Variants in TNNI3K observed in about 807,000 individuals in gnomAD.
TNNI3K encodes the protein serine/threonine-protein kinase TNNI3K.
Under a neutral mutation model 114.5 loss-of-function variants are expected in TNNI3K, and 140 were observed. That is an observed-to-expected ratio of 1.22 (90% CI 1.07 to 1.41). The LOEUF (loss-of-function observed/expected upper bound fraction) is 1.41. Among genes scored for constraint, TNNI3K ranks in the 40% most tolerant of loss-of-function variants. The pLI is 0.00. For synonymous variants in TNNI3K, 347 were observed against 347.5 expected (o/e 1.00, Z 0.02); for missense variants, 1,125 against 1,007.6 (o/e 1.12, Z -1.58).
At chr1:74,435,861 T>C (rs1666098869) in intron 17 of TNNI3K, among the ~76,000 whole-genome samples, 1 of 152,052 alleles carries the variant, frequency 6.6e-6, no homozygotes, top group Non-Finnish European at 1.5e-5. Context: ...AGGAATTCTT[T>C]ATACATTCAA....
chr1:74,524,387 C>T (rs906125418), intron 23 of TNNI3K, among the ~76,000 whole-genome samples: 4 of 152,152 alleles, frequency 2.6e-5, no homozygotes, highest in Non-Finnish European at 5.9e-5. Flanking sequence ...TGACACTGTG[C>T]GGACTCCAGG....
chr1:74,388,167 A>T (rs1331425019), intron 17 of TNNI3K, among the ~76,000 whole-genome samples: 2 of 152,034 alleles, frequency 1.3e-5, no homozygotes, highest in Non-Finnish European at 2.9e-5. Context: ...AGTCCCAGCT[A>T]CTCAGGAGGC....
intron 17 of TNNI3K, among the ~76,000 whole-genome samples, chr1:74,427,380 A>T (rs1432378208): frequency 1.3e-5 from 2 of 150,560 alleles, no homozygotes; most frequent in Non-Finnish European, 2.9e-5. Flanking sequence ...ACTTAAATGT[A>T]ACATATCTTT....
intron 4 of TNNI3K, among the ~76,000 whole-genome samples, chr1:74,260,163 T>G (rs1355956940): frequency 6.6e-6 from 1 of 152,234 alleles, no homozygotes; most frequent in African/African-American, 2.4e-5. Flanking sequence ...TGGGTTTCAG[T>G]TATTAAGTTT....
chr1:74,500,340 T>C (rs1330692671), intron 23 of TNNI3K, among the ~76,000 whole-genome samples: 1 of 151,916 alleles, frequency 6.6e-6, no homozygotes, highest in Non-Finnish European at 1.5e-5. Context: ...AAATGCACCT[T>C]TAAAAATTAT....
intron 17 of TNNI3K, among the ~76,000 whole-genome samples, chr1:74,431,979 C>T (rs1163623985): frequency 6.6e-6 from 1 of 152,076 alleles, no homozygotes; most frequent in Non-Finnish European, 1.5e-5. Context: ...ATGGTCTTTA[C>T]CAAACTTGCT....
At chr1:74,256,609 G>A (rs1235671920) in intron 4 of TNNI3K, among the ~76,000 whole-genome samples, 2 of 151,848 alleles carry the variant, frequency 1.3e-5, no homozygotes, top group Non-Finnish European at 2.9e-5. Context: ...AAGAGTAAAA[G>A]GTTTTTGCAT....
intron 23 of TNNI3K, among the ~76,000 whole-genome samples, chr1:74,509,990 G>A (rs1029465753): frequency 7.9e-5 from 12 of 152,034 alleles, no homozygotes; most frequent in African/African-American, 2.9e-4. Context: ...CTGAATTCAA[G>A]CGATCTGCTT....
intron 3 of TNNI3K, among the ~76,000 whole-genome samples, chr1:74,249,991 C>T (rs1284856638): frequency 3.3e-5 from 5 of 152,176 alleles, no homozygotes; most frequent in Admixed American, 3.3e-4. Flanking sequence ...ATTTGGCCTA[C>T]ACTTTAGTTT....
chr1:74,397,434 C>T (rs1027185779), intron 17 of TNNI3K, among the ~76,000 whole-genome samples: 4 of 152,090 alleles, frequency 2.6e-5, no homozygotes, highest in African/African-American at 7.2e-5. Context: ...GAAAGCTGAC[C>T]TTCATCAGGG....
intron 17 of TNNI3K, among the ~76,000 whole-genome samples, chr1:74,391,858 A>T (rs976977686): frequency 2.0e-5 from 3 of 152,054 alleles, no homozygotes; most frequent in Non-Finnish European, 2.9e-5. Flanking sequence ...GCATTTTTCA[A>T]TTAGTCAGAA....
chr1:74,408,309 A>C (rs1664715219), intron 17 of TNNI3K, among the ~76,000 whole-genome samples: 1 of 152,288 alleles, frequency 6.6e-6, no homozygotes, highest in South Asian at 2.1e-4. Flanking sequence ...TCATTTACAT[A>C]TACCACCTGT....
At chr1:74,484,530 C>T (rs1407415066) in intron 21 of TNNI3K, among the ~76,000 whole-genome samples, 2 of 152,118 alleles carry the variant, frequency 1.3e-5, no homozygotes, top group East Asian at 1.9e-4. Flanking sequence ...AGGAGAAGAT[C>T]GCATTGACTC....
intron 4 of TNNI3K, among the ~76,000 whole-genome samples, chr1:74,270,548 T>C (rs1349197112): frequency 2.0e-5 from 3 of 151,844 alleles, no homozygotes; most frequent in African/African-American, 7.2e-5. Context: ...TTTGTAGCTC[T>C]TTACCAAAGT....
chr1:74,471,068 G>A (rs1557587287), intron 21 of TNNI3K: 2 of 400,626 alleles, frequency 5.0e-6, no homozygotes, highest in Admixed American at 8.8e-5. Flanking sequence ...GAATGTGAGT[G>A]CCTGTGCTCA....
chr1:74,276,392 T>G (rs1656688888), intron 5 of TNNI3K, among the ~76,000 whole-genome samples: 1 of 152,060 alleles, frequency 6.6e-6, no homozygotes, highest in Non-Finnish European at 1.5e-5. Flanking sequence ...AAGGAATTAT[T>G]GAAGGAAACA....
chr1:74,530,676 A>G (rs1419350926), intron 23 of TNNI3K, among the ~76,000 whole-genome samples: 3 of 151,920 alleles, frequency 2.0e-5, no homozygotes, highest in African/African-American at 7.3e-5. Flanking sequence ...AAAATGAGGA[A>G]GTGAGGAGTG....
At chr1:74,352,374 C>T (rs201600944) in intron 9 of TNNI3K, among the ~76,000 whole-genome samples, 2 of 152,144 alleles carry the variant, frequency 1.3e-5, no homozygotes, top group Non-Finnish European at 2.9e-5. Context: ...GTCAGTCTGC[C>T]CCTACTGGGG....
chr1:74,371,339 T>C (rs1662589474), intron 17 of TNNI3K: 1 of 151,852 alleles, frequency 6.6e-6, no homozygotes, highest in Non-Finnish European at 1.5e-5. Flanking sequence ...GTTCATAGAC[T>C]ACATTCAGGG....
Sources: gnomAD v4.1 joint callset for allele counts (sites outside exome capture counted in the v4.1 genomes callset) on GRCh38, gnomAD v4.1.1 for gene constraint, MANE v1.5 for transcripts, NCBI Gene and HGNC (gene_info 2026-07-23, HGNC 2026-07-21) for gene names.